SYNPO: variants seen among roughly 807,000 people sequenced by gnomAD.
The protein encoded by SYNPO is synaptopodin.
SYNPO carries 19 observed loss-of-function variants against 49.5 expected under a neutral mutation model. The observed-to-expected ratio is 0.38, with a 90% CI of 0.27 to 0.56. SYNPO has a LOEUF of 0.56. SYNPO is among the 20% of genes least tolerant of loss of function. The pLI, the probability that SYNPO is intolerant of heterozygous loss-of-function variation, is 0.68. For synonymous variants in SYNPO, 536 were observed against 548.0 expected, an observed-to-expected ratio of 0.98 and a Z score of 0.31; for missense variants, 1,131 against 1,248.3, an observed-to-expected ratio of 0.91 and a Z score of 1.42.
chr5:150,652,476 C>T (rs1301305113), intron 2 of SYNPO: 22 of 900,078 alleles, frequency 2.4e-5, no homozygotes, highest in Non-Finnish European at 2.8e-5. Flanking sequence ...GTGCTGCCTG[C>T]ACCTGCCGTG....
the SYNPO span, among the ~76,000 whole-genome samples, chr5:150,587,334 A>G: frequency 6.6e-6 from 1 of 152,026 alleles, no homozygotes; most frequent in African/African-American, 2.4e-5. Context: ...GCATGTAGGT[A>G]TATGTGGATG....
chr5:150,612,370 C>T (rs1756872206), intron 1 of SYNPO, among the ~76,000 whole-genome samples: 1 of 152,244 alleles, frequency 6.6e-6, no homozygotes, highest in African/African-American at 2.4e-5. Context: ...TATTACGCAT[C>T]TACAATATGC....
In SYNPO at chr5:150,649,390, C is replaced by A; in HGVS notation, c.1115C>A (p.Ala372Asp). 6.2e-7 allele frequency: 1 copy of A among 1,613,786 alleles called. No individual in the cohort carries two copies. Among genetic ancestry groups the A allele is most frequent in the Non-Finnish European group, 8.5e-7 (1 of 1,180,018 alleles). ...ACGGGCATTCTGGAGGAGTCGATGG[C>A]CCGCCGGGGCAGCCGCAAATCCATG... is the stretch of plus-strand genomic sequence containing the variant. Reference protein sequence around the residue: ...SKTGILEESMARRGSRKSMFT... With the variant: ...SKTGILEESMDRRGSRKSMFT... The change falls in exon 2 of 3, where the codon GCC becomes GAC. Residue 372 changes from alanine (A) to aspartate (D), a missense_variant. Ala to Asp is a moderately radical substitution (Grantham distance 126). Coordinates refer to ENST00000307662, the MANE Select transcript of SYNPO (RefSeq NM_007286.6).
At chr5:150,631,745 G>A (rs1757546552) in intron 2 of SYNPO, among the ~76,000 whole-genome samples, 1 of 152,144 alleles carries the variant, frequency 6.6e-6, no homozygotes, top group Non-Finnish European at 1.5e-5. Flanking sequence ...GCCACTTCTT[G>A]AGGTGGCTAA....
At chr5:150,636,420 A>G (rs902420117), upstream of SYNPO, among the ~76,000 whole-genome samples, 4 of 152,190 alleles carry the variant, frequency 2.6e-5, no homozygotes, top group African/African-American at 9.7e-5. Flanking sequence ...GTCCAGTCCA[A>G]TCCCTCCTTT....
rs79114659 is a variant in SYNPO at position 150,627,716 on chromosome 5, T to A, written c.400+8949T>A. Among the ~76,000 whole-genome samples the A allele has an allele frequency of 8.6e-3, 1,304 of 152,260 alleles. 33 individuals are homozygous for A. The highest frequency in any genetic ancestry group is 0.07 in the East Asian group (365 of 5,188). ...TGACTTCAGAACAGAGACCTGAATC[T>A]TATTTGAAGCAATGCTCAAGGCTTT... On this transcript the variant is annotated intron_variant, in intron 2 of 2. Transcript: ENST00000394243.
At chr5:150,652,133 T>C (rs1254169068) in intron 2 of SYNPO, 1 of 1,001,698 alleles carries the variant, frequency 1.0e-6, no homozygotes, top group East Asian at 1.1e-4. Flanking sequence ...GGGGTATGCG[T>C]GGGGGAGTTG....
Position 150,650,192 on chromosome 5 carries a change from T to C in SYNPO, c.1917T>C (p.Pro639=). 1 of 1,613,908 alleles carries C rather than the reference T, an allele frequency of 6.2e-7. No homozygotes were observed. Among genetic ancestry groups the C allele is most frequent in the Admixed American group, 1.7e-5 (1 of 60,018 alleles). ...GCCTGCAGCCCACTGCCGTGAGCCC[T>C]CCTTACGGCGGTGACATCTCCCCCG... ...QDSLQPTAVS[P]PYGGDISPVS... is the part of the protein sequence containing the mutation. Residue 639 remains proline, a synonymous_variant, in exon 2 of 3, where the codon CCT becomes CCC. Transcript: ENST00000307662.
In SYNPO at chr5:150,649,550, C is replaced by T. The variant is rs371425063; in HGVS notation, c.1275C>T (p.Ala425=). ...GVEEEPFALG[A]EASNFQQEPA... is the part of the protein sequence containing the mutation. The stretch of plus-strand genomic sequence containing the variant: ...AGGAGGAGCCCTTCGCACTGGGGGC[C>T]GAGGCCTCCAACTTCCAGCAGGAGC... The change falls in exon 2 of 3, where the codon GCC becomes GCT. Residue 425 remains alanine (A), a synonymous_variant. Transcript: ENST00000307662. 216 of 1,609,976 alleles carry T rather than the reference C, an allele frequency of 1.3e-4. No homozygotes were observed. Among genetic ancestry groups the T allele is most frequent in the Non-Finnish European group, 1.8e-4 (209 of 1,178,422 alleles).
At chr5:150,626,025 G>A (rs1561642413) in intron 2 of SYNPO, among the ~76,000 whole-genome samples, 1 of 152,222 alleles carries the variant, frequency 6.6e-6, no homozygotes, top group South Asian at 2.1e-4. Flanking sequence ...GTAGCTGTAG[G>A]GCTAGTCAGA....
chr5:150,587,686 T>C, the SYNPO span, among the ~76,000 whole-genome samples: 1 of 152,184 alleles, frequency 6.6e-6, no homozygotes, highest in East Asian at 1.9e-4. Flanking sequence ...CAGTTCCCTC[T>C]TATAGGAGAT....
In SYNPO at chr5:150,649,069, T is replaced by C. The variant is rs1311544792; in HGVS notation, c.794T>C (p.Phe265Ser). The stretch of plus-strand genomic sequence containing the variant: ...AGCCCCATGCTAGAGAGACGACATT[T>C]TGGGGAGAAGGCCCCGGCTCCCCAG... ...ERSPMLERRH[F>S]GEKAPAPQPP... The change falls in exon 2 of 3, where the codon TTT becomes TCT. Residue 265 changes from phenylalanine to serine, a missense_variant. Physicochemically the swap from Phe to Ser is radical, Grantham distance 155. Transcript: ENST00000307662. The C allele has an allele frequency of 1.2e-6, 2 of 1,613,784 alleles. No homozygotes were observed. The highest frequency in any genetic ancestry group is 1.7e-5 in the Admixed American group (1 of 60,008).
intron 1 of SYNPO, among the ~76,000 whole-genome samples, chr5:150,617,840 C>A (rs1038740400): frequency 6.6e-6 from 1 of 152,136 alleles, no homozygotes; most frequent in East Asian, 1.9e-4. Context: ...TAAGATAATT[C>A]TAAAGTAATA....
chr5:150,628,176 G>T (rs1250454045), intron 2 of SYNPO, among the ~76,000 whole-genome samples: 1 of 152,138 alleles, frequency 6.6e-6, no homozygotes, highest in African/African-American at 2.4e-5. Context: ...AATTCCAAAG[G>T]CTTACACAAG....
rs1758559558 is a variant in SYNPO, at chr5:150,656,536, C to T, written c.2161C>T (p.Pro721Ser). ...CGGGAGCAGCATGAGCAGCCCCCCG[C>T]CGCTGCCGCCGCCACCGCCCATGTC... ...GRGSSMSSPP[P>S]LPPPPPMSPS... Residue 721 changes from proline to serine, a missense_variant, in exon 3 of 3, where the codon CCG (proline) becomes TCG (serine). By Grantham distance (74) the Pro-to-Ser change is moderately conservative (BLOSUM62 -1). This residue lies in a region of SYNPO where 509 missense variants were observed against 484.5 expected (regional missense o/e 1.05). Transcript: ENST00000307662. 1 of 1,528,416 alleles carries T rather than the reference C, an allele frequency of 6.5e-7. No homozygotes were observed. Among genetic ancestry groups the T allele is most frequent in the East Asian group, 2.5e-5 (1 of 40,112 alleles). 94.7% of individuals were successfully genotyped at this position (1,528,416 alleles called of 1,614,324 possible).
Position 150,656,754 on chromosome 5 carries a change from C to T in SYNPO, c.2379C>T (p.Pro793=). ...FSPPRAPPPP[P]PPPPPPPRMR... ...CGCCGAGGGCGCCACCGCCCCCGCCCCCGCCCCCGCCCCCGCCCCCGCGCA... is the reference window on the plus strand; with the variant it reads ...CGCCGAGGGCGCCACCGCCCCCGCCTCCGCCCCCGCCCCCGCCCCCGCGCA... The change falls in exon 3 of 3, where the codon CCC becomes CCT. Residue 793 remains proline (P), a synonymous_variant. Transcript: ENST00000307662. 1.7e-6 allele frequency: 2 copies of T among 1,183,892 alleles called. No individual in the cohort carries two copies. Among genetic ancestry groups the T allele is most frequent in the Non-Finnish European group, 1.0e-6 (1 of 968,548 alleles). The allele number at this position is 1,183,892 out of a possible 1,614,324, so 73.3% of individuals were successfully genotyped here. A position where few individuals can be genotyped will look rare whatever the true frequency, so the allele number is the denominator to read the frequency against.
chr5:150,597,415 T>C (rs1756444787), upstream of SYNPO, among the ~76,000 whole-genome samples: 1 of 152,212 alleles, frequency 6.6e-6, no homozygotes, highest in African/African-American at 2.4e-5. Context: ...CACCGCAACC[T>C]CTGCCTCCCA....
At position 150,657,430 on chromosome 5, in the gene SYNPO, TCTCACACACACACACA is replaced by T. The variant is rs1298680677; in HGVS notation, c.*345_*360del. ...CACTCTCTCTTTCTCTCTCTCTCTC[TCTCACACACACACACA>T]CACACACACACACACACACACACAC... is the stretch of plus-strand genomic sequence containing the variant. On this transcript the variant is annotated 3_prime_UTR_variant, in exon 3 of 3. Coordinates refer to ENST00000307662, the MANE Select transcript of SYNPO (RefSeq NM_007286.6). The T allele has an allele frequency of 1.9e-5, 3 of 157,572 alleles. No homozygotes were observed. Among genetic ancestry groups the T allele is most frequent in the African/African-American group, 1.3e-4 (3 of 23,650 alleles). 9.8% of individuals were successfully genotyped at this position (157,572 alleles called of 1,614,324 possible).
In SYNPO at chr5:150,649,178, G is replaced by A; in HGVS notation, c.903G>A (p.Gly301=). Residue 301 remains glycine (G), a synonymous_variant, in exon 2 of 3, where the codon GGG becomes GGA. Coordinates refer to ENST00000307662, the MANE Select transcript of SYNPO (RefSeq NM_007286.6). ...RSPMVERRMM[G]QRSPASERRP... ...CCATGGTGGAAAGGAGGATGATGGG[G>A]CAGCGAAGCCCGGCCTCAGAGAGAC... The A allele has an allele frequency of 6.2e-7, 1 of 1,614,126 alleles. No individual in the cohort carries two copies. Among genetic ancestry groups the A allele is most frequent in the South Asian group, 1.1e-5 (1 of 91,074 alleles).
Sources: gnomAD v4.1 joint callset for allele counts (sites outside exome capture counted in the v4.1 genomes callset) on GRCh38, gnomAD v4.1.1 for gene constraint, gnomAD v4.1.1 regional missense constraint, MANE v1.5 for transcripts, NCBI Gene and HGNC (gene_info 2026-07-23, HGNC 2026-07-21) for gene names.